The following DLD variants were observed in gnomAD, a reference collection of about 807,000 sequenced individuals.
The protein encoded by DLD is dihydrolipoyl dehydrogenase, mitochondrial.
Under a neutral mutation model 62.2 loss-of-function variants are expected in DLD, and 36 were observed. The observed-to-expected ratio is 0.58, with a 90% CI of 0.44 to 0.76. The LOEUF (loss-of-function observed/expected upper bound fraction) is 0.76. Among genes scored for constraint, DLD ranks in the 30% least tolerant of loss-of-function variants. The pLI, the probability that DLD is intolerant of heterozygous loss-of-function variation, is 0.00. For missense variants in DLD, 541 were observed against 608.6 expected, an observed-to-expected ratio of 0.89 and a Z score of 1.17; for synonymous variants, 204 against 199.6, an observed-to-expected ratio of 1.02 and a Z score of -0.19.
chr7:107,893,349 A>G (rs2031639064), intron 2 of DLD, 71 bp downstream of exon 2: 1 of 1,162,766 alleles, frequency 8.6e-7, no homozygotes, highest in African/African-American at 1.5e-5. Flanking sequence ...ATGTAAAAGC[A>G]AGTGAATATT....
At chr7:107,910,423 T>C (rs2032112051) in intron 8 of DLD, among the ~76,000 whole-genome samples, 1 of 152,236 alleles carries the variant, frequency 6.6e-6, no homozygotes, top group South Asian at 2.1e-4. Flanking sequence ...TTGAATTAGT[T>C]TTTACATGTC....
rs2031634503 is a variant in DLD at position 107,893,243 on chromosome 7, C to T, written c.83C>T (p.Ser28Phe). The stretch of plus-strand genomic sequence containing the variant: ...ATATCTCATGGCCTACAGGGACTTT[C>T]TGCAGTGCCTCTGAGAACTTACGCA... ...NRISHGLQGLSAVPLRTYADQ... is the reference protein window; with the variant it reads ...NRISHGLQGLFAVPLRTYADQ... The change falls in exon 2 of 14, where the codon TCT (serine) becomes TTT (phenylalanine). Residue 28 changes from serine (S) to phenylalanine (F), a missense_variant. Physicochemically the swap from Ser to Phe is radical, Grantham distance 155 (BLOSUM62 -2). Coordinates refer to ENST00000205402, the MANE Select transcript of DLD (RefSeq NM_000108.5). 1 of 1,613,480 alleles carries T rather than the reference C, an allele frequency of 6.2e-7. No individual in the cohort carries two copies. The highest frequency in any genetic ancestry group is 2.2e-5 in the East Asian group (1 of 44,848).
chr7:107,904,893 G>A (rs2031965303), intron 5 of DLD, 65 bp from the exon 6 acceptor site: 1 of 1,239,716 alleles, frequency 8.1e-7, no homozygotes, highest in Non-Finnish European at 1.2e-6. Context: ...GTTGGTGAGT[G>A]AAAAACACTG....
chr7:107,892,708 G>A (rs2031617832), intron 1 of DLD, among the ~76,000 whole-genome samples: 1 of 152,036 alleles, frequency 6.6e-6, no homozygotes, highest in Non-Finnish European at 1.5e-5. Flanking sequence ...ACTACACCCG[G>A]CTAATTTTCT....
In DLD at chr7:107,919,458, G is replaced by A. The variant is rs552235002; in HGVS notation, c.*199G>A. On this transcript the variant is annotated 3_prime_UTR_variant, in exon 14 of 14. Transcript: ENST00000205402. ...CATAAATTTAGTATTTTGTTTCAGT[G>A]CACTAATGTGTAAGACAAAAAGCTA... The A allele has an allele frequency of 1.5e-4, 74 of 508,460 alleles. No homozygotes were observed. The highest frequency in any genetic ancestry group is 1.3e-3 in the African/African-American group (69 of 52,028). The allele number at this position is 508,460 out of a possible 1,614,324, so 31.5% of individuals were successfully genotyped here.
chr7:107,891,396 T>G (rs961931991), intron 1 of DLD, 107 bp downstream of exon 1: 10 of 1,277,398 alleles, frequency 7.8e-6, no homozygotes, highest in Admixed American at 1.9e-5. Flanking sequence ...GGCGGGCGCC[T>G]GGGCCGCACC....
At chr7:107,896,037 A>G (rs1429058088) in intron 2 of DLD, among the ~76,000 whole-genome samples, 1 of 152,214 alleles carries the variant, frequency 6.6e-6, no homozygotes, top group Non-Finnish European at 1.5e-5. Flanking sequence ...AAGAGTAGTA[A>G]TTCACCGTTA....
chr7:107,918,461 A>T (rs1474348226), intron 12 of DLD, among the ~76,000 whole-genome samples: 2 of 152,104 alleles, frequency 1.3e-5, no homozygotes, highest in Non-Finnish European at 2.9e-5. Context: ...AACAGACCAA[A>T]TATTTGCATT....
intron 8 of DLD, among the ~76,000 whole-genome samples, chr7:107,908,485 A>G (rs868418435): frequency 6.6e-6 from 1 of 151,852 alleles, no homozygotes; most frequent in African/African-American, 2.4e-5. Flanking sequence ...CTGGGCAACA[A>G]TGTGAGAACT....
Position 107,906,492 on chromosome 7 carries a change from A to G in DLD, c.684+124A>G, listed in dbSNP as rs10281520. The G allele has an allele frequency of 0.24, 166,833 of 684,058 alleles. 25,897 individuals are homozygous for G. The highest frequency in any genetic ancestry group is 0.57 in the African/African-American group (31,303 of 55,244). 42.4% of individuals were successfully genotyped at this position (684,058 alleles called of 1,614,324 possible). A position where few individuals can be genotyped will look rare whatever the true frequency, so the allele number is the denominator to read the frequency against. Reference sequence around the variant, plus strand: ...CATTGAGTTTTGCTTAAACACTTCTAGTAATAAAGAGTTTACTTTTGTTTT... The same window carrying G: ...CATTGAGTTTTGCTTAAACACTTCTGGTAATAAAGAGTTTACTTTTGTTTT... On this transcript the variant is annotated intron_variant, in intron 8 of 13. Transcript: ENST00000205402.
At chr7:107,910,870 T>C (rs201639887) in intron 8 of DLD, among the ~76,000 whole-genome samples, 2 of 152,200 alleles carry the variant, frequency 1.3e-5, no homozygotes, top group East Asian at 3.8e-4. Flanking sequence ...ACTCCCTACT[T>C]TGAATTAGAC....
intron 8 of DLD, among the ~76,000 whole-genome samples, chr7:107,912,992 G>T (rs1047579627): frequency 8.6e-5 from 13 of 152,012 alleles, no homozygotes; most frequent in Non-Finnish European, 4.4e-5. Context: ...AAGAGATAGG[G>T]GTCTAGTTTC....
intron 2 of DLD, among the ~76,000 whole-genome samples, chr7:107,895,995 G>A (rs765117964): frequency 1.2e-4 from 19 of 152,168 alleles, no homozygotes; most frequent in Non-Finnish European, 2.6e-4. Context: ...ATCGTACATA[G>A]GTAGACCAGC....
At position 107,905,075 on chromosome 7, in the gene DLD, C is replaced by T. The variant is rs1382997753; in HGVS notation, c.438+17C>T. ...CAGAATAAGGTCAGTGTTTAATATT[C>T]AGATTTCTGCTTTACTTTGAATACA... On this transcript the variant is annotated intron_variant, in intron 6 of 13. Coordinates refer to ENST00000205402, the MANE Select transcript of DLD (RefSeq NM_000108.5). 1 of 1,538,430 alleles carries T rather than the reference C, an allele frequency of 6.5e-7. No individual in the cohort carries two copies. The highest frequency in any genetic ancestry group is 9.0e-7 in the Non-Finnish European group (1 of 1,113,274).
chr7:107,915,838 A>C, intron 9 of DLD, 142 bp downstream of exon 9: 1 of 681,198 alleles, frequency 1.5e-6, no homozygotes, highest in Non-Finnish European at 2.5e-6. Context: ...GTTGCTTATC[A>C]AATTATTGCA....
At chr7:107,905,956 A>G (rs2031996268) in intron 7 of DLD, among the ~76,000 whole-genome samples, 1 of 152,182 alleles carries the variant, frequency 6.6e-6, no homozygotes, top group Non-Finnish European at 1.5e-5. Flanking sequence ...AGTGCCTTAC[A>G]TAAAATGACA....
intron 8 of DLD, among the ~76,000 whole-genome samples, chr7:107,907,886 A>G (rs547028365): frequency 3.3e-5 from 5 of 152,170 alleles, no homozygotes; most frequent in South Asian, 2.1e-4. Flanking sequence ...TATTTCATCA[A>G]CTTCCACTCA....
At chr7:107,900,562 T>C (rs2031852737) in intron 2 of DLD, among the ~76,000 whole-genome samples, 1 of 152,120 alleles carries the variant, frequency 6.6e-6, no homozygotes, top group Non-Finnish European at 1.5e-5. Context: ...AGCTTGATTA[T>C]TGCTCTCTGG....
intron 7 of DLD, 47 bp downstream of exon 7, chr7:107,905,551 A>T: frequency 2.5e-6 from 4 of 1,576,144 alleles, no homozygotes; most frequent in Non-Finnish European, 3.5e-6. Flanking sequence ...TTCTTTAGAA[A>T]TACGTTTTAT....
Sources: gnomAD v4.1 joint callset for allele counts (sites outside exome capture counted in the v4.1 genomes callset) on GRCh38, gnomAD v4.1.1 for gene constraint, MANE v1.5 for transcripts, NCBI Gene and HGNC (gene_info 2026-07-23, HGNC 2026-07-21) for gene names.